The following CEP128 variants were observed in gnomAD, a reference collection of about 807,000 sequenced individuals.
CEP128 encodes centrosomal protein 128kDa.
In CEP128, 132 loss-of-function variants were observed where a neutral mutation model predicts 156.7. The observed-to-expected ratio is 0.84, with a 90% CI of 0.73 to 0.97. CEP128 has a LOEUF of 0.97. CEP128 is among the 50% of genes least tolerant of loss of function. The pLI, the probability that CEP128 is intolerant of heterozygous loss-of-function variation, is 0.00. For missense variants in CEP128, 1,252 were observed against 1,281.9 expected, an observed-to-expected ratio of 0.98 and a Z score of 0.36; for synonymous variants, 469 against 448.9, an observed-to-expected ratio of 1.04 and a Z score of -0.57.
intron 9 of CEP128, among the ~76,000 whole-genome samples, chr14:80,855,168 T>C (rs1251050568): frequency 6.6e-6 from 1 of 152,182 alleles, no homozygotes. Flanking sequence ...ACATGTGTGG[T>C]TGTCCTGTTG....
chr14:80,816,316 G>A (rs1884855483), intron 13 of CEP128, among the ~76,000 whole-genome samples: 1 of 152,072 alleles, frequency 6.6e-6, no homozygotes, highest in Admixed American at 6.6e-5. Context: ...CCACAGAGCG[G>A]CAGGCCCCTA....
At position 80,565,886 on chromosome 14, in the gene CEP128, A is replaced by G. The variant is rs185514106; in HGVS notation, c.2857-6584T>C. ...GTGAGTACAGTTGAAAAGTCTAGTG[A>G]CTTTATTTTATCATAATAATGCAGC... On this transcript the variant is annotated intron_variant, in intron 20 of 24. Coordinates refer to ENST00000555265, the MANE Select transcript of CEP128 (RefSeq NM_152446.5). 1.9e-4 allele frequency among the ~76,000 whole-genome samples: 29 copies of G among 152,332 alleles called. No individual in the cohort carries two copies. In the East Asian group the frequency reaches 4.4e-3, roughly 23 times the overall value.
At chr14:80,589,241 T>A (rs1891945294) in intron 19 of CEP128, among the ~76,000 whole-genome samples, 1 of 152,094 alleles carries the variant, frequency 6.6e-6, no homozygotes, top group Non-Finnish European at 1.5e-5. Context: ...CACAGTGAGA[T>A]CCATTTTCAT....
In CEP128 at chr14:80,955,164, C is replaced by G. The variant is rs957942680; in HGVS notation, c.-172+3014G>C. The G allele has an allele frequency of 4.2e-5, 9 of 211,882 alleles. No individual in the cohort carries two copies. In the South Asian group the frequency reaches 7.2e-4, roughly 17 times the overall value. 13.1% of individuals were successfully genotyped at this position (211,882 alleles called of 1,614,324 possible). On this transcript the variant is annotated intron_variant, in intron 2 of 7. Coordinates refer to the CEP128 transcript ENST00000555529. ...GCTGAAGTTCTGCAGGACATTGGTCCGCCCGCGGACAGTCCACTCCGCGGG... is the reference window on the plus strand; with the variant it reads ...GCTGAAGTTCTGCAGGACATTGGTCGGCCCGCGGACAGTCCACTCCGCGGG...
At chr14:80,674,167 G>T (rs2140940882) in intron 19 of CEP128, among the ~76,000 whole-genome samples, 1 of 151,956 alleles carries the variant, frequency 6.6e-6, no homozygotes, top group East Asian at 1.9e-4. Flanking sequence ...TCCAATGTTG[G>T]CTTTGACAAA....
intron 16 of CEP128, among the ~76,000 whole-genome samples, chr14:80,763,628 A>G (rs978974417): frequency 6.6e-5 from 10 of 152,106 alleles, no homozygotes; most frequent in Admixed American, 4.6e-4. Flanking sequence ...GGTATATCAT[A>G]ATTTTTTAAT....
chr14:80,606,309 C>T (rs933003073), intron 19 of CEP128, among the ~76,000 whole-genome samples: 1 of 152,094 alleles, frequency 6.6e-6, no homozygotes, highest in Non-Finnish European at 1.5e-5. Flanking sequence ...AGGTATTTTG[C>T]CTTTTTTGCT....
chr14:80,488,401 C>T (rs1365853168), downstream of CEP128, among the ~76,000 whole-genome samples: 3 of 150,954 alleles, frequency 2.0e-5, no homozygotes, highest in African/African-American at 7.3e-5. Context: ...GATCACTGGC[C>T]ATCAGAGAAT....
chr14:80,621,471 G>C (rs1394645700), intron 19 of CEP128, among the ~76,000 whole-genome samples: 1 of 152,146 alleles, frequency 6.6e-6, no homozygotes, highest in Non-Finnish European at 1.5e-5. Context: ...AATTGTATCA[G>C]TGGTTCAAAA....
intron 19 of CEP128, among the ~76,000 whole-genome samples, chr14:80,615,852 T>G (rs1893188084): frequency 1.2e-3 from 1 of 828 alleles, no homozygotes; most frequent in African/African-American, 2.1e-3. Context: ...CCATCTCAAA[T>G]AAATAAATAA....
At chr14:80,787,093 C>T (rs1901449127) in intron 14 of CEP128, among the ~76,000 whole-genome samples, 1 of 152,166 alleles carries the variant, frequency 6.6e-6, no homozygotes, top group Admixed American at 6.5e-5. Flanking sequence ...TTCCAACAGA[C>T]TTAGTAGCTT....
At chr14:80,959,080 C>A (rs568763025) in intron 1 of CEP128, among the ~76,000 whole-genome samples, 202 of 152,250 alleles carry the variant, frequency 1.3e-3, no homozygotes, top group Non-Finnish European at 2.2e-3. Context: ...CATATCCCAG[C>A]CCCGTGGTCT....
intron 19 of CEP128, among the ~76,000 whole-genome samples, chr14:80,646,241 T>C (rs1438768124): frequency 6.6e-6 from 1 of 152,144 alleles, no homozygotes; most frequent in Non-Finnish European, 1.5e-5. Context: ...TTGTAACTAA[T>C]GTACCACTTT....
Position 80,838,237 on chromosome 14 carries a change from T to C in CEP128, c.891A>G (p.Gln297=), listed in dbSNP as rs1456927573. The change falls in exon 11 of 25, where the codon CAA becomes CAG. Residue 297 remains glutamine, a synonymous_variant. Coordinates refer to ENST00000555265, the MANE Select transcript of CEP128 (RefSeq NM_152446.5). ...ELELSRRLLN[Q]SEGSRETLLH... is the part of the protein sequence containing the mutation. ...AAAGTGTTTCTCGGCTGCCTTCTGA[T>C]TGATTCAATAACCTTCGAGATAGCT... 2.5e-6 allele frequency: 4 copies of C among 1,613,664 alleles called. No individual in the cohort carries two copies. The highest frequency in any genetic ancestry group is 2.7e-5 in the African/African-American group (2 of 75,040).
At chr14:80,789,082 G>A (rs1472214349) in intron 14 of CEP128, among the ~76,000 whole-genome samples, 2 of 152,132 alleles carry the variant, frequency 1.3e-5, no homozygotes, top group Non-Finnish European at 2.9e-5. Flanking sequence ...TAAGGAGAAG[G>A]AGTGGAAAAA....
chr14:80,939,936 T>C (rs1886055145), intron 1 of CEP128, among the ~76,000 whole-genome samples: 1 of 152,214 alleles, frequency 6.6e-6, no homozygotes. Context: ...AGTCTAACAC[T>C]CCTAAAGGAA....
At chr14:80,907,801 A>G (rs1397861857) in intron 4 of CEP128, among the ~76,000 whole-genome samples, 1 of 152,212 alleles carries the variant, frequency 6.6e-6, no homozygotes, top group Non-Finnish European at 1.5e-5. Flanking sequence ...TAGTGATCAC[A>G]AAGTAGTATA....
intron 13 of CEP128, among the ~76,000 whole-genome samples, chr14:80,819,239 CTTTTTTTTTT>C (rs1187431254): frequency 1.2e-5 from 1 of 82,748 alleles, no homozygotes; most frequent in African/African-American, 5.6e-5. Flanking sequence ...TGGCATCTTC[CTTTTTTTTTT>C]TTTTTTTTTT....
chr14:80,629,194 T>C (rs141405397), intron 19 of CEP128, among the ~76,000 whole-genome samples: 2,134 of 152,280 alleles, frequency 0.014, 28 homozygotes, highest in Middle Eastern at 0.051. Context: ...GTCTTCTCAG[T>C]AAGGGCTTGA....
Sources: allele counts gnomAD v4.1 joint callset (sites outside exome capture counted in the v4.1 genomes callset), GRCh38; gene constraint gnomAD v4.1.1; transcripts MANE v1.5; gene names NCBI Gene and HGNC (gene_info 2026-07-23, HGNC 2026-07-21).